The following RAB30 variants were observed in gnomAD, a reference collection of about 807,000 sequenced individuals.
RAB30 encodes ras-related protein Rab-30.
A neutral mutation model predicts 25.1 loss-of-function variants in RAB30; 9 were observed. The observed-to-expected ratio is 0.36, with a 90% CI of 0.22 to 0.63. The LOEUF is 0.63. Among genes scored for constraint, RAB30 ranks in the 20% least tolerant of loss-of-function variants. The probability of loss-of-function intolerance (pLI) is 0.69; values close to 1 mark genes in which losing one functional copy is unlikely to be tolerated. For missense variants in RAB30, 140 were observed against 243.5 expected (o/e 0.58, Z 2.83); for synonymous variants, 77 against 86.4 (o/e 0.89, Z 0.60).
chr11:83,020,688 A>G lies in RAB30; in HGVS notation c.-8-23364T>C, dbSNP rs1857553237. On this transcript the variant is annotated intron_variant, in intron 1 of 4. Transcript: ENST00000527633. Reference sequence around the variant, plus strand: ...CCTGCCCATGGCCACCCATGGACCAATTGCATGCACTTCTTCCCCTCTAAG... The same window carrying G: ...CCTGCCCATGGCCACCCATGGACCAGTTGCATGCACTTCTTCCCCTCTAAG... Among the ~76,000 whole-genome samples the G allele has an allele frequency of 2.0e-5, 3 of 152,152 alleles. No homozygotes were observed. The South Asian group carries it at 6.2e-4, about 32-fold the overall frequency.
intron 1 of RAB30, among the ~76,000 whole-genome samples, chr11:83,025,071 C>G (rs1857678412): frequency 6.6e-6 from 1 of 152,230 alleles, no homozygotes; most frequent in Non-Finnish European, 1.5e-5. Context: ...ACTTGGAGAA[C>G]ACACTTTAAG....
chr11:83,035,774 G>T (rs1370537915), intron 1 of RAB30: 1 of 152,234 alleles, frequency 6.6e-6, no homozygotes, highest in African/African-American at 2.4e-5. Context: ...TGGGTAATCA[G>T]ATCGAGTATC....
intron 1 of RAB30, among the ~76,000 whole-genome samples, chr11:83,025,826 AAAG>A (rs1857698147): frequency 1.3e-5 from 2 of 152,184 alleles, no homozygotes; most frequent in African/African-American, 4.8e-5. Context: ...AAAAAATTGA[AAAG>A]GAGTTTTCCA....
At chr11:82,984,840 G>A (rs1211515549) in intron 4 of RAB30, among the ~76,000 whole-genome samples, 1 of 152,116 alleles carries the variant, frequency 6.6e-6, no homozygotes, top group Non-Finnish European at 1.5e-5. Context: ...ATACCAGAAA[G>A]CAAAAAAATT....
chr11:83,011,105 TGTTA>T (rs1488285218), intron 1 of RAB30, among the ~76,000 whole-genome samples: 2 of 152,364 alleles, frequency 1.3e-5, no homozygotes, highest in Non-Finnish European at 2.9e-5. Flanking sequence ...TTTTGAAGTT[TGTTA>T]TTTTTTAAAA....
chr11:83,050,263 A>G (rs1456938187), intron 1 of RAB30, among the ~76,000 whole-genome samples: 1 of 152,068 alleles, frequency 6.6e-6, no homozygotes, highest in Admixed American at 6.6e-5. Flanking sequence ...CTTAAAAAAA[A>G]AAAAGACTTT....
chr11:83,068,220 C>T (rs1858751420), intron 1 of RAB30, among the ~76,000 whole-genome samples: 1 of 151,728 alleles, frequency 6.6e-6, no homozygotes, highest in Non-Finnish European at 1.5e-5. Flanking sequence ...ACTGCTTGAA[C>T]CTGGGAGGCG....
At chr11:83,049,306 G>T (rs566259885) in intron 1 of RAB30, among the ~76,000 whole-genome samples, 4 of 151,980 alleles carry the variant, frequency 2.6e-5, no homozygotes, top group Non-Finnish European at 5.9e-5. Flanking sequence ...AGCTTCTCGG[G>T]AGGTTGAGGC....
intron 1 of RAB30, among the ~76,000 whole-genome samples, chr11:82,999,459 A>C (rs1857028007): frequency 6.6e-6 from 1 of 152,162 alleles, no homozygotes; most frequent in Non-Finnish European, 1.5e-5. Flanking sequence ...CACCTATACC[A>C]CAGAACTGTG....
intron 4 of RAB30, among the ~76,000 whole-genome samples, chr11:82,984,554 G>A (rs1036206314): frequency 2.6e-5 from 4 of 152,140 alleles, no homozygotes; most frequent in South Asian, 4.1e-4. Context: ...ACGATGCCAC[G>A]CGTGGTCTAC....
intron 1 of RAB30, among the ~76,000 whole-genome samples, chr11:83,049,564 T>C (rs1246590798): frequency 6.6e-6 from 1 of 151,136 alleles, no homozygotes; most frequent in East Asian, 1.9e-4. Flanking sequence ...CACTACAGCC[T>C]CAACCTGCGG....
At chr11:83,036,083 T>C (rs990017664) in intron 1 of RAB30, among the ~76,000 whole-genome samples, 11 of 152,072 alleles carry the variant, frequency 7.2e-5, no homozygotes, top group Non-Finnish European at 1.3e-4. Context: ...GAACTGCTAT[T>C]ATACAGATGA....
At position 83,011,146 on chromosome 11, in the gene RAB30, C is replaced by T. The variant is rs77590832; in HGVS notation, c.-8-13822G>A. Among the ~76,000 whole-genome samples, 1,294 of 152,152 alleles carry T rather than the reference C, an allele frequency of 8.5e-3. 31 individuals carry two copies. The East Asian group carries it at 0.096, about 11-fold the overall frequency. On this transcript the variant is annotated intron_variant, in intron 1 of 4. Transcript: ENST00000527633. ...ACAAGTTGTTAACATTTTGTATGTA[C>T]CATAGACACATTTTCAGAACTTTGG...
intron 1 of RAB30, among the ~76,000 whole-genome samples, chr11:83,012,865 G>C (rs17144500): frequency 1.3e-5 from 2 of 151,858 alleles, no homozygotes; most frequent in African/African-American, 4.8e-5. Context: ...CTATGATCAC[G>C]CAGTCTTGCC....
intron 3 of RAB30, among the ~76,000 whole-genome samples, chr11:82,990,186 A>G (rs1856822949): frequency 6.6e-6 from 1 of 152,132 alleles, no homozygotes; most frequent in Non-Finnish European, 1.5e-5. Context: ...CTGCACCACT[A>G]CTTAAACTCC....
At chr11:83,000,792 G>A (rs1207740209) in intron 1 of RAB30, among the ~76,000 whole-genome samples, 4 of 152,044 alleles carry the variant, frequency 2.6e-5, no homozygotes, top group African/African-American at 9.7e-5. Context: ...GGTGGCTCAC[G>A]CCTGTAATCC....
At chr11:83,042,390 T>TA (rs1003957938) in intron 1 of RAB30, among the ~76,000 whole-genome samples, 9 of 151,106 alleles carry the variant, frequency 6.0e-5, no homozygotes, top group Admixed American at 2.6e-4. Context: ...CCATCTCTAC[T>TA]AAAAAAAATA....
chr11:83,059,998 G>A (rs1188167951), intron 1 of RAB30: 1 of 152,194 alleles, frequency 6.6e-6, no homozygotes, highest in Non-Finnish European at 1.5e-5. Flanking sequence ...ATCGCTTGAA[G>A]TCAGGAATTC....
At chr11:83,067,746 C>T (rs1858737019) in intron 1 of RAB30, among the ~76,000 whole-genome samples, 1 of 152,128 alleles carries the variant, frequency 6.6e-6, no homozygotes, top group South Asian at 2.1e-4. Context: ...AATCCCAGAA[C>T]TTTGGGAGGC....
Sources: allele counts gnomAD v4.1 joint callset (sites outside exome capture counted in the v4.1 genomes callset), GRCh38; gene constraint gnomAD v4.1.1; transcripts MANE v1.5; gene names NCBI Gene and HGNC (gene_info 2026-07-23, HGNC 2026-07-21).